The following ERGIC1 variants were observed in gnomAD, a reference collection of about 807,000 sequenced individuals.
The protein encoded by ERGIC1 is endoplasmic reticulum-golgi intermediate compartment 1.
Under a neutral mutation model 38.3 loss-of-function variants are expected in ERGIC1, and 19 were observed. That is an observed-to-expected ratio of 0.50 (90% confidence interval 0.35 to 0.73). The LOEUF (loss-of-function observed/expected upper bound fraction) is 0.73, where lower values mean the gene tolerates loss of function less well. Among genes scored for constraint, ERGIC1 ranks in the 30% least tolerant of loss-of-function variants. ERGIC1 has a pLI of 0.01. For synonymous variants in ERGIC1, 124 were observed against 157.6 expected, an observed-to-expected ratio of 0.79 and a Z score of 1.60; for missense variants, 294 against 389.2, an observed-to-expected ratio of 0.76 and a Z score of 2.06.
At chr5:172,933,650 C>G (rs924916191) in intron 8 of ERGIC1, 2 of 152,082 alleles carry the variant, frequency 1.3e-5, no homozygotes, top group African/African-American at 4.8e-5. Context: ...CCCGGGAGCC[C>G]CTGTTTCTTT....
intron 8 of ERGIC1, 123 bp from the exon 9 acceptor site, chr5:172,935,065 C>G: frequency 1.4e-6 from 2 of 1,434,250 alleles, no homozygotes; most frequent in Non-Finnish European, 1.9e-6. Context: ...GGGAGTCTGG[C>G]TTCGTGGGGC....
intron 5 of ERGIC1, 76 bp from the exon 6 acceptor site, chr5:172,923,929 C>T (rs1763591637): frequency 7.7e-7 from 1 of 1,303,280 alleles, no homozygotes; most frequent in Non-Finnish European, 1.1e-6. Context: ...CTCCCTGGAT[C>T]ACACAGGGTG....
chr5:172,848,088 T>C (rs763864178), intron 1 of ERGIC1, among the ~76,000 whole-genome samples: 2 of 152,244 alleles, frequency 1.3e-5, no homozygotes, highest in South Asian at 2.1e-4. Flanking sequence ...CTCGTTGATA[T>C]TCTGAGCATA....
chr5:172,950,826 C>A lies in ERGIC1; in HGVS notation c.*10C>A, dbSNP rs747016270. 12 of 1,603,778 alleles carry A rather than the reference C, an allele frequency of 7.5e-6. No individual in the cohort carries two copies. The East Asian group carries it at 2.2e-4, about 30-fold the overall frequency. ...GGGCAAGATGCATTGACGCCACACCCAGCCTAATGGCCGAGGACCCTGGGC... is the reference window on the plus strand; with the variant it reads ...GGGCAAGATGCATTGACGCCACACCAAGCCTAATGGCCGAGGACCCTGGGC... On this transcript the variant is annotated 3_prime_UTR_variant, in exon 10 of 10. Transcript: ENST00000393784.
chr5:172,943,550 G>T (rs1475590988), intron 9 of ERGIC1, among the ~76,000 whole-genome samples: 1 of 152,204 alleles, frequency 6.6e-6, no homozygotes, highest in Non-Finnish European at 1.5e-5. Context: ...ACTGAACGGG[G>T]AAAGTGACTG....
At chr5:172,909,584 G>A (rs764782637) in intron 3 of ERGIC1, 83 bp from the exon 4 acceptor site, 109 of 1,302,078 alleles carry the variant, frequency 8.4e-5, no homozygotes, top group Non-Finnish European at 1.1e-4. Context: ...TGGTCACCAA[G>A]TGAAGTGATC....
chr5:172,913,459 C>A (rs925546831), intron 4 of ERGIC1, among the ~76,000 whole-genome samples: 1 of 152,242 alleles, frequency 6.6e-6, no homozygotes, highest in African/African-American at 2.4e-5. Context: ...TTTCCCATGT[C>A]CTGTGGACCC....
At chr5:172,944,649 G>T (rs1010368605) in intron 9 of ERGIC1, among the ~76,000 whole-genome samples, 6 of 152,298 alleles carry the variant, frequency 3.9e-5, no homozygotes, top group African/African-American at 1.4e-4. Context: ...GTGAGCCGCC[G>T]CACCCGGCCA....
intron 1 of ERGIC1, among the ~76,000 whole-genome samples, chr5:172,882,501 A>G (rs1207288910): frequency 6.6e-6 from 1 of 152,156 alleles, no homozygotes; most frequent in Non-Finnish European, 1.5e-5. Context: ...TGGAAGGACC[A>G]TGCCCTGTGG....
intron 3 of ERGIC1, chr5:172,897,977 T>C: frequency 4.8e-6 from 2 of 412,906 alleles, no homozygotes; most frequent in Non-Finnish European, 8.9e-6. Context: ...GCCATTAGGA[T>C]TATGCAGTCA....
intron 9 of ERGIC1, among the ~76,000 whole-genome samples, chr5:172,940,899 C>G (rs1763996392): frequency 2.0e-5 from 3 of 152,252 alleles, no homozygotes. Context: ...CCGCGTCTGA[C>G]TTACCTGTGT....
At chr5:172,919,229 C>A (rs1581575015) in intron 5 of ERGIC1, among the ~76,000 whole-genome samples, 1 of 152,106 alleles carries the variant, frequency 6.6e-6, no homozygotes, top group African/African-American at 2.4e-5. Context: ...AGGAGGAGAC[C>A]CCTGAGGTTA....
chr5:172,852,585 G>C (rs1365058752), intron 1 of ERGIC1, among the ~76,000 whole-genome samples: 4 of 152,178 alleles, frequency 2.6e-5, no homozygotes, highest in African/African-American at 9.7e-5. Flanking sequence ...TTCTCTACCA[G>C]GTCCCCAGGG....
chr5:172,908,351 GGT>G (rs1491143253), intron 3 of ERGIC1, among the ~76,000 whole-genome samples: 9 of 98,288 alleles, frequency 9.2e-5, no homozygotes, highest in African/African-American at 1.1e-4. Context: ...GGAGGGGGGG[GGT>G]GGATCATGAG....
At chr5:172,928,041 G>A (rs1216838177) in intron 7 of ERGIC1, among the ~76,000 whole-genome samples, 1 of 152,156 alleles carries the variant, frequency 6.6e-6, no homozygotes, top group Non-Finnish European at 1.5e-5. Context: ...ATGTCTGGTT[G>A]TAATAGAGGT....
chr5:172,860,751 A>C (rs953030714), intron 1 of ERGIC1, among the ~76,000 whole-genome samples: 1 of 152,206 alleles, frequency 6.6e-6, no homozygotes, highest in Non-Finnish European at 1.5e-5. Flanking sequence ...CTGCAGATCC[A>C]TGGTGGGGCT....
intron 1 of ERGIC1, among the ~76,000 whole-genome samples, chr5:172,843,902 G>A (rs1761222037): frequency 6.6e-6 from 1 of 152,232 alleles, no homozygotes; most frequent in Admixed American, 6.5e-5. Context: ...GATTTTGTGA[G>A]GGTGAGATGA....
chr5:172,844,832 C>T (rs1263913625), intron 1 of ERGIC1, among the ~76,000 whole-genome samples: 2 of 152,334 alleles, frequency 1.3e-5, no homozygotes, highest in Non-Finnish European at 1.5e-5. Context: ...TGGAGTGACA[C>T]ACCCTTCCTG....
At chr5:172,879,033 G>T (rs927438456) in intron 1 of ERGIC1, among the ~76,000 whole-genome samples, 1 of 152,094 alleles carries the variant, frequency 6.6e-6, no homozygotes, top group Non-Finnish European at 1.5e-5. Flanking sequence ...GACTTGCTCC[G>T]AAATGGCATC....
Sources: gnomAD v4.1 joint callset for allele counts (sites outside exome capture counted in the v4.1 genomes callset) on GRCh38, gnomAD v4.1.1 for gene constraint, MANE v1.5 for transcripts, NCBI Gene and HGNC (gene_info 2026-07-23, HGNC 2026-07-21) for gene names.